TDRD3: variants seen among roughly 807,000 people sequenced by gnomAD.
TDRD3 encodes tudor domain containing 3.
Under a neutral mutation model 86.7 loss-of-function variants are expected in TDRD3, and 45 were observed. The observed-to-expected ratio is 0.52, with a 90% CI of 0.41 to 0.67. The LOEUF (loss-of-function observed/expected upper bound fraction) is 0.67. Among genes scored for constraint, TDRD3 ranks in the 30% least tolerant of loss-of-function variants. TDRD3 has a pLI of 0.00. For missense variants in TDRD3, 814 were observed against 889.0 expected, an observed-to-expected ratio of 0.92 and a Z score of 1.07; for synonymous variants, 298 against 301.7, an observed-to-expected ratio of 0.99 and a Z score of 0.13.
chr13:60,572,887 G>A (rs1958617524), intron 13 of TDRD3, among the ~76,000 whole-genome samples: 1 of 152,050 alleles, frequency 6.6e-6, no homozygotes, highest in African/African-American at 2.4e-5. Flanking sequence ...AACTGTTACA[G>A]AACTCCATGA....
chr13:60,537,852 C>T (rs979389652), intron 12 of TDRD3: 1 of 151,696 alleles, frequency 6.6e-6, no homozygotes, highest in African/African-American at 2.4e-5. Context: ...CTCTTGTTTT[C>T]CTAAATGTAG....
At chr13:60,525,825 CAAT>C (rs1333720949) in intron 10 of TDRD3, among the ~76,000 whole-genome samples, 1 of 151,984 alleles carries the variant, frequency 6.6e-6, no homozygotes, top group Non-Finnish European at 1.5e-5. Flanking sequence ...TTAGTGAAAA[CAAT>C]AATAAAAAAT....
chr13:60,530,048 A>G (rs12585777), intron 11 of TDRD3, among the ~76,000 whole-genome samples: 70,903 of 151,942 alleles, frequency 0.47, 16,914 homozygotes, highest in South Asian at 0.55. Context: ...CCTAGAAGAA[A>G]CCTTCTTTGA....
intron 1 of TDRD3, among the ~76,000 whole-genome samples, chr13:60,429,716 A>G (rs1206771276): frequency 1.3e-5 from 2 of 152,176 alleles, no homozygotes; most frequent in African/African-American, 2.4e-5. Context: ...GTAGCCTGCT[A>G]GAAATATGTA....
chr13:60,451,686 G>A (rs540350214), intron 3 of TDRD3, among the ~76,000 whole-genome samples: 1 of 152,166 alleles, frequency 6.6e-6, no homozygotes, highest in South Asian at 2.1e-4. Context: ...ACAAGATAAT[G>A]CCAAATTATC....
At chr13:60,516,968 C>G (rs7319865) in intron 10 of TDRD3, among the ~76,000 whole-genome samples, 5 of 152,148 alleles carry the variant, frequency 3.3e-5, no homozygotes, top group Non-Finnish European at 5.9e-5. Context: ...AAAATTCAGA[C>G]TACATTATTT....
intron 3 of TDRD3, among the ~76,000 whole-genome samples, chr13:60,454,285 A>G (rs12854939): frequency 0.14 from 20,936 of 152,004 alleles, 1,511 homozygotes; most frequent in East Asian, 0.2. Flanking sequence ...ACTTGTTCCT[A>G]TTGGGTTTAA....
chr13:60,434,924 T>C (rs1955053876), intron 1 of TDRD3, among the ~76,000 whole-genome samples: 1 of 152,242 alleles, frequency 6.6e-6, no homozygotes, highest in African/African-American at 2.4e-5. Context: ...CAATTAAGAC[T>C]GGTGAATCCT....
At chr13:60,396,213 A>G (rs1356373279), upstream of TDRD3, among the ~76,000 whole-genome samples, 1 of 152,216 alleles carries the variant, frequency 6.6e-6, no homozygotes, top group African/African-American at 2.4e-5. Context: ...AGTTCCTAAC[A>G]GTCTTCTTCC....
intron 3 of TDRD3, among the ~76,000 whole-genome samples, chr13:60,446,658 C>T (rs1039476905): frequency 5.3e-5 from 8 of 152,042 alleles, no homozygotes; most frequent in Non-Finnish European, 1.0e-4. Context: ...AGCTGGCACA[C>T]AGAAATTACT....
At chr13:60,557,096 C>T (rs1315603186) in intron 12 of TDRD3, among the ~76,000 whole-genome samples, 1 of 151,454 alleles carries the variant, frequency 6.6e-6, no homozygotes, top group Non-Finnish European at 1.5e-5. Context: ...ATCCCAGCTA[C>T]TCTGGAGGCT....
chr13:60,432,891 G>C (rs551261764), intron 1 of TDRD3, among the ~76,000 whole-genome samples: 3 of 151,684 alleles, frequency 2.0e-5, no homozygotes, highest in East Asian at 3.9e-4. Flanking sequence ...TATCATGTGC[G>C]GGGGCTAGTA....
chr13:60,404,688 T>C (rs1053414832), intron 1 of TDRD3, among the ~76,000 whole-genome samples: 1 of 152,100 alleles, frequency 6.6e-6, no homozygotes, highest in Non-Finnish European at 1.5e-5. Flanking sequence ...CACTGTAACC[T>C]CCACCTCCCA....
chr13:60,422,812 C>T (rs1392583307), intron 1 of TDRD3, among the ~76,000 whole-genome samples: 2 of 151,664 alleles, frequency 1.3e-5, no homozygotes, highest in Non-Finnish European at 2.9e-5. Flanking sequence ...ATATTCAAGT[C>T]AAGGAAGGAA....
intron 4 of TDRD3, among the ~76,000 whole-genome samples, chr13:60,462,450 C>T (rs961244232): frequency 1.3e-5 from 2 of 152,000 alleles, no homozygotes; most frequent in Non-Finnish European, 1.5e-5. Context: ...CTTTTGGTGC[C>T]GTAAAAATGG....
In TDRD3 at chr13:60,483,886, A is replaced by G. The variant is rs1232808583; in HGVS notation, c.567+40A>G. 1.9e-5 allele frequency: 31 copies of G among 1,598,596 alleles called. 1 individual carries two copies. In the Admixed American group the frequency reaches 5.2e-4, roughly 27 times the overall value. ...GTTGGCAGATGAATTTAAATTAGGAAAAAGTGTTTTTCATTAGCATTCAAG... is the reference window on the plus strand; with the variant it reads ...GTTGGCAGATGAATTTAAATTAGGAGAAAGTGTTTTTCATTAGCATTCAAG... On this transcript the variant is annotated intron_variant, in intron 6 of 13. Coordinates refer to ENST00000377881, the MANE Select transcript of TDRD3 (RefSeq NM_001146070.2).
At chr13:60,403,182 C>T (rs1336153601) in intron 1 of TDRD3, among the ~76,000 whole-genome samples, 3 of 150,800 alleles carry the variant, frequency 2.0e-5, no homozygotes, top group East Asian at 3.9e-4. Flanking sequence ...GTTTCAACTG[C>T]CTGTAGACTT....
intron 1 of TDRD3, among the ~76,000 whole-genome samples, chr13:60,427,701 T>C (rs966408132): frequency 1.3e-5 from 2 of 152,186 alleles, no homozygotes; most frequent in African/African-American, 4.8e-5. Flanking sequence ...AGACTTAAGC[T>C]AACCAATAAG....
At chr13:60,430,397 A>G (rs9538696) in intron 1 of TDRD3, among the ~76,000 whole-genome samples, 71,166 of 151,890 alleles carry the variant, frequency 0.47, 17,066 homozygotes, top group South Asian at 0.55. Context: ...TTGAACTGAT[A>G]TATGGTTTTA....
Sources: allele counts gnomAD v4.1 joint callset (sites outside exome capture counted in the v4.1 genomes callset), GRCh38; gene constraint gnomAD v4.1.1; transcripts MANE v1.5; gene names NCBI Gene and HGNC (gene_info 2026-07-23, HGNC 2026-07-21).